The following EN2 variants were observed in gnomAD, a reference collection of about 807,000 sequenced individuals.
EN2 encodes engrailed homeobox 2, also known as homeobox protein engrailed-2.
A neutral mutation model predicts 25.0 loss-of-function variants in EN2; 7 were observed. The ratio of observed to expected loss-of-function variants is 0.28; its 90% CI spans 0.16 to 0.53. The LOEUF (loss-of-function observed/expected upper bound fraction) is 0.53. Ranked by LOEUF, EN2 falls within the 20% of genes least tolerant of loss-of-function variation. The pLI, the probability that EN2 is intolerant of heterozygous loss-of-function variation, is 0.96. For missense variants in EN2, 524 were observed against 501.8 expected, an observed-to-expected ratio of 1.04 and a Z score of -0.42; for synonymous variants, 277 against 243.3, an observed-to-expected ratio of 1.14 and a Z score of -1.29.
chr7:155,462,733 A>G lies in EN2; in HGVS notation c.*46A>G. ...GGTCTCAGTCCGCGCTAAACAATGCAATAATTTAAAATCATAAAGGGCCAG... is the reference window on the plus strand; with the variant it reads ...GGTCTCAGTCCGCGCTAAACAATGCGATAATTTAAAATCATAAAGGGCCAG... On this transcript the variant is annotated 3_prime_UTR_variant, in exon 2 of 2. Transcript: ENST00000297375. 6.6e-7 allele frequency: 1 copy of G among 1,503,852 alleles called. No homozygotes were observed. Among genetic ancestry groups the G allele is most frequent in the Non-Finnish European group, 8.9e-7 (1 of 1,121,042 alleles). The allele number at this position is 1,503,852 out of a possible 1,614,324, so 93.2% of individuals were successfully genotyped here.
intron 1 of EN2, 36 bp downstream of exon 1, chr7:155,459,098 C>A: frequency 5.2e-6 from 8 of 1,525,746 alleles, no homozygotes; most frequent in African/African-American, 1.4e-5. Flanking sequence ...CGGCTCGCCG[C>A]GGGGAGGCCC....
chr7:155,459,275 C>A (rs1795668146), intron 1 of EN2, among the ~76,000 whole-genome samples: 1 of 152,238 alleles, frequency 6.6e-6, no homozygotes, highest in African/African-American at 2.4e-5. Context: ...GGGGTACAGA[C>A]TTCTTAGGAC....
rs1026306398 is a variant in EN2 at position 155,458,802 on chromosome 7, C to T, written c.425C>T (p.Pro142Leu). The T allele has an allele frequency of 1.3e-4, 177 of 1,397,672 alleles. No individual in the cohort carries two copies. The African/African-American group carries it at 2.5e-3, about 20-fold the overall frequency. 86.6% of individuals were successfully genotyped at this position (1,397,672 alleles called of 1,614,324 possible). The part of the protein sequence containing the change: ...NPPCAPGAGG[P>L]LPAAGSDSPG... ...CCATGTGCGCCCGGCGCGGGCGGGC[C>T]GCTCCCAGCCGCCGGCAGCGACTCT... Residue 142 changes from proline (P) to leucine (L), a missense_variant, in exon 1 of 2, where the codon CCG becomes CTG. Physicochemically the swap from Pro to Leu is moderately conservative, Grantham distance 98. Coordinates refer to ENST00000297375, the MANE Select transcript of EN2 (RefSeq NM_001427.4).
At position 155,458,602 on chromosome 7, in the gene EN2, G is replaced by T; in HGVS notation, c.225G>T (p.Leu75=). 2.7e-6 allele frequency: 4 copies of T among 1,475,172 alleles called. No homozygotes were observed. The highest frequency in any genetic ancestry group is 3.6e-6 in the Non-Finnish European group (4 of 1,111,440). 91.4% of individuals were successfully genotyped at this position (1,475,172 alleles called of 1,614,324 possible). A position where few individuals can be genotyped will look rare whatever the true frequency, so the allele number is the denominator to read the frequency against. ...RITNFFIDNI[L]RPEFGRRKDA... is the part of the protein sequence containing the mutation. ...CCAACTTCTTCATCGACAACATCCT[G>T]CGGCCCGAGTTCGGCCGGCGAAAGG... is the stretch of plus-strand genomic sequence containing the variant. Residue 75 remains leucine (L), a synonymous_variant, in exon 1 of 2, where the codon CTG becomes CTT. Transcript: ENST00000297375.
chr7:155,458,504 G>T lies in EN2; in HGVS notation c.127G>T (p.Gly43Trp), dbSNP rs1404661928. 1 of 1,321,048 alleles carries T rather than the reference G, an allele frequency of 7.6e-7. No individual in the cohort carries two copies. The highest frequency in any genetic ancestry group is 9.7e-7 in the Non-Finnish European group (1 of 1,033,864). 81.8% of individuals were successfully genotyped at this position (1,321,048 alleles called of 1,614,324 possible). A position where few individuals can be genotyped will look rare whatever the true frequency, so the allele number is the denominator to read the frequency against. The change falls in exon 1 of 2, where the codon GGG becomes TGG. Residue 43 changes from glycine (G) to tryptophan (W), a missense_variant. Coordinates refer to ENST00000297375, the MANE Select transcript of EN2 (RefSeq NM_001427.4). ...GGSSPGEADT[G>W]RRRALMLPAV... is the part of the protein sequence containing the mutation. ...TAGCAGCCCGGGCGAAGCGGACACC[G>T]GGCGCCGGCGGGCTCTGATGCTGCC...
At chr7:155,461,418 T>C (rs1272722603) in intron 1 of EN2, among the ~76,000 whole-genome samples, 1 of 152,180 alleles carries the variant, frequency 6.6e-6, no homozygotes, top group African/African-American at 2.4e-5. Context: ...TCCCCATGGA[T>C]AGCAGGTCCT....
intron 1 of EN2, among the ~76,000 whole-genome samples, chr7:155,461,834 G>A (rs192939650): frequency 1.1e-3 from 171 of 152,272 alleles, no homozygotes; most frequent in Middle Eastern, 3.4e-3. Flanking sequence ...GACACTCTGG[G>A]CCCCTCCTGT....
chr7:155,458,798 G>T lies in EN2; in HGVS notation c.421G>T (p.Gly141Trp). The T allele has an allele frequency of 2.2e-6, 3 of 1,393,354 alleles. No individual in the cohort carries two copies. The highest frequency in any genetic ancestry group is 2.8e-6 in the Non-Finnish European group (3 of 1,085,590). The allele number at this position is 1,393,354 out of a possible 1,614,324, so 86.3% of individuals were successfully genotyped here. The change falls in exon 1 of 2, where the codon GGG becomes TGG. Residue 141 changes from glycine to tryptophan, a missense_variant. Gly to Trp is a radical substitution (Grantham distance 184). Transcript: ENST00000297375. ...QNPPCAPGAGGPLPAAGSDSP... is the reference protein window; with the variant it reads ...QNPPCAPGAGWPLPAAGSDSP... ...CCCGCCATGTGCGCCCGGCGCGGGC[G>T]GGCCGCTCCCAGCCGCCGGCAGCGA... is the stretch of plus-strand genomic sequence containing the variant.
chr7:155,458,581 C>A lies in EN2; in HGVS notation c.204C>A (p.Asn68Lys). 1 of 1,477,836 alleles carries A rather than the reference C, an allele frequency of 6.8e-7. No homozygotes were observed. The highest frequency in any genetic ancestry group is 9.0e-7 in the Non-Finnish European group (1 of 1,111,522). The allele number at this position is 1,477,836 out of a possible 1,614,324, so 91.5% of individuals were successfully genotyped here. ...GNHQHPHRIT[N>K]FFIDNILRPE... ...ACCAGCACCCGCACCGCATCACCAA[C>A]TTCTTCATCGACAACATCCTGCGGC... Residue 68 changes from asparagine (N) to lysine (K), a missense_variant, in exon 1 of 2, where the codon AAC (asparagine) becomes AAA (lysine). Asn to Lys is a moderately conservative substitution (Grantham distance 94). Coordinates refer to ENST00000297375, the MANE Select transcript of EN2 (RefSeq NM_001427.4).
intron 1 of EN2, among the ~76,000 whole-genome samples, chr7:155,460,748 T>G (rs983843428): frequency 1.4e-4 from 21 of 152,152 alleles, no homozygotes; most frequent in East Asian, 5.8e-4. Flanking sequence ...CAACCCCATC[T>G]CCAAATCTGC....
chr7:155,459,114 G>A (rs746601791), intron 1 of EN2, 52 bp downstream of exon 1: 37 of 1,498,020 alleles, frequency 2.5e-5, no homozygotes, highest in Non-Finnish European at 3.1e-5. Flanking sequence ...GGCCCGCGGA[G>A]CTGGGGGGCG....
In EN2 at chr7:155,458,860, C is replaced by A; in HGVS notation, c.483C>A (p.Leu161=). 2 of 1,489,828 alleles carry A rather than the reference C, an allele frequency of 1.3e-6. No homozygotes were observed. The highest frequency in any genetic ancestry group is 1.8e-6 in the Non-Finnish European group (2 of 1,128,242). The allele number at this position is 1,489,828 out of a possible 1,614,324, so 92.3% of individuals were successfully genotyped here. A position where few individuals can be genotyped will look rare whatever the true frequency, so the allele number is the denominator to read the frequency against. The change falls in exon 1 of 2, where the codon CTC becomes CTA. Residue 161 remains leucine (L), a synonymous_variant. Transcript: ENST00000297375. The part of the protein sequence containing the change: ...PGDGEGGSKT[L]SLHGGAKKGG... ...ACGGGGAAGGCGGCTCCAAGACGCT[C>A]TCGCTGCACGGTGGCGCCAAGAAAG... is the stretch of plus-strand genomic sequence containing the variant.
intron 1 of EN2, 131 bp downstream of exon 1, chr7:155,459,193 A>C: frequency 4.8e-6 from 5 of 1,047,078 alleles, no homozygotes; most frequent in Non-Finnish European, 6.6e-6. Context: ...ACAAAGACTC[A>C]CGCGACATTG....
In EN2 at chr7:155,462,668, G is replaced by T; in HGVS notation, c.983G>T (p.Gly328Val). The T allele has an allele frequency of 6.3e-7, 1 of 1,591,976 alleles. No individual in the cohort carries two copies. Among genetic ancestry groups the T allele is most frequent in the Non-Finnish European group, 8.6e-7 (1 of 1,167,914 alleles). ...LYNHSTTAKE[G>V]KSDSE ...AACCACTCCACCACAGCCAAGGAGG[G>T]CAAGTCGGACAGCGAGTAGGGCGGG... Residue 328 changes from glycine (G) to valine (V), a missense_variant, in exon 2 of 2, where the codon GGC becomes GTC. Coordinates refer to ENST00000297375, the MANE Select transcript of EN2 (RefSeq NM_001427.4).
rs1052042964 is a variant in EN2 at position 155,458,765 on chromosome 7, C to G, written c.388C>G (p.Arg130Gly). 1.3e-5 allele frequency: 18 copies of G among 1,371,094 alleles called. No homozygotes were observed. The highest frequency in any genetic ancestry group is 1.6e-5 in the Non-Finnish European group (17 of 1,070,672). The allele number at this position is 1,371,094 out of a possible 1,614,324, so 84.9% of individuals were successfully genotyped here. Reference protein sequence around the residue: ...QLLGSGSREPRQNPPCAPGAG... With the variant: ...QLLGSGSREPGQNPPCAPGAG... ...CTTGGGCTCGGGCTCCCGAGAGCCC[C>G]GGCAGAACCCGCCATGTGCGCCCGG... The change falls in exon 1 of 2, where the codon CGG (arginine) becomes GGG (glycine). Residue 130 changes from arginine to glycine, a missense_variant. Arg to Gly is a moderately radical substitution (Grantham distance 125). Coordinates refer to ENST00000297375, the MANE Select transcript of EN2 (RefSeq NM_001427.4).
Position 155,459,068 on chromosome 7 carries a change from C to A in EN2, c.685+6C>A. 1.3e-6 allele frequency: 2 copies of A among 1,568,372 alleles called. No individual in the cohort carries two copies. Among genetic ancestry groups the A allele is most frequent in the South Asian group, 1.1e-5 (1 of 88,218 alleles). On this transcript the variant is annotated splice_donor_region_variant and intron_variant, in intron 1 of 1. Transcript: ENST00000297375. ...CTCGGACCGGCCTTCTTCAGGTGAG[C>A]CCGCGGGGACCACGCGTCCCGGCTC...
intron 1 of EN2, among the ~76,000 whole-genome samples, chr7:155,461,310 CCTT>C (rs1795692971): frequency 1.3e-5 from 2 of 152,256 alleles, no homozygotes; most frequent in Admixed American, 1.3e-4. Flanking sequence ...GGCCTTGCCC[CCTT>C]CTTCCCCCAC....
Position 155,458,250 on chromosome 7 carries a change from G to T in EN2, c.-128G>T, listed in dbSNP as rs1795648876. On this transcript the variant is annotated 5_prime_UTR_variant, in exon 1 of 2. Coordinates refer to ENST00000297375, the MANE Select transcript of EN2 (RefSeq NM_001427.4). ...TAGGACCTCAGCCCTGGCCGCGGCCGCCGCGCACGCCCTCGGAAGACTCGG... is the reference window on the plus strand; with the variant it reads ...TAGGACCTCAGCCCTGGCCGCGGCCTCCGCGCACGCCCTCGGAAGACTCGG... 2.5e-6 allele frequency: 3 copies of T among 1,208,872 alleles called. No homozygotes were observed. Among genetic ancestry groups the T allele is most frequent in the Admixed American group, 4.3e-5 (1 of 23,408 alleles). The allele number at this position is 1,208,872 out of a possible 1,614,324, so 74.9% of individuals were successfully genotyped here. A position where few individuals can be genotyped will look rare whatever the true frequency, so the allele number is the denominator to read the frequency against.
In EN2 at chr7:155,458,144, G is replaced by T; in HGVS notation, c.-234G>T. On this transcript the variant is annotated 5_prime_UTR_variant, in exon 1 of 2. Coordinates refer to ENST00000297375, the MANE Select transcript of EN2 (RefSeq NM_001427.4). Reference sequence around the variant, plus strand: ...CTCTGTTGAATCTCTCATCGTCTGGGCGAGCGGGGCGGCTCGTGGTGTTTC... The same window carrying T: ...CTCTGTTGAATCTCTCATCGTCTGGTCGAGCGGGGCGGCTCGTGGTGTTTC... 1 of 416,722 alleles carries T rather than the reference G, an allele frequency of 2.4e-6. No individual in the cohort carries two copies. The highest frequency in any genetic ancestry group is 4.6e-5 in the Admixed American group (1 of 21,966). 25.8% of individuals were successfully genotyped at this position (416,722 alleles called of 1,614,324 possible). A position where few individuals can be genotyped will look rare whatever the true frequency, so the allele number is the denominator to read the frequency against.
Sources: allele counts gnomAD v4.1 joint callset (sites outside exome capture counted in the v4.1 genomes callset), GRCh38; gene constraint gnomAD v4.1.1; transcripts MANE v1.5; gene names NCBI Gene and HGNC (gene_info 2026-07-23, HGNC 2026-07-21).